The following LDLRAP1 variants were observed in gnomAD, a reference collection of about 807,000 sequenced individuals.
The protein encoded by LDLRAP1 is low density lipoprotein receptor adapter protein 1.
LDLRAP1 carries 30 observed loss-of-function variants against 37.8 expected under a neutral mutation model. That is an observed-to-expected ratio of 0.79 (90% CI 0.59 to 1.08). The LOEUF is 1.08. LDLRAP1 is among the 50% of genes least tolerant of loss of function. The pLI, the probability that LDLRAP1 is intolerant of heterozygous loss-of-function variation, is 0.00. For missense variants in LDLRAP1, 375 were observed against 401.6 expected (o/e 0.93, Z 0.57); for synonymous variants, 156 against 169.8 (o/e 0.92, Z 0.63).
intron 1 of LDLRAP1, among the ~76,000 whole-genome samples, chr1:25,545,412 GT>G (rs1297796990): frequency 6.6e-6 from 1 of 152,150 alleles, no homozygotes; most frequent in Admixed American, 6.5e-5. Flanking sequence ...CTGATCCTCG[GT>G]TTCCTCATCT....
chr1:25,575,857 G>A, the LDLRAP1 span, among the ~76,000 whole-genome samples: 2 of 152,220 alleles, frequency 1.3e-5, no homozygotes, highest in African/African-American at 2.4e-5. Flanking sequence ...GGCCCAGAGA[G>A]ATGGCATGAC....
intron 1 of LDLRAP1, among the ~76,000 whole-genome samples, chr1:25,546,295 G>GCTCCTC (rs2043931911): frequency 6.6e-6 from 1 of 152,188 alleles, no homozygotes. Flanking sequence ...GTTGTGACCT[G>GCTCCTC]CTCCTCCTCC....
the LDLRAP1 span, among the ~76,000 whole-genome samples, chr1:25,587,247 G>A: frequency 6.6e-6 from 1 of 152,062 alleles, no homozygotes; most frequent in African/African-American, 2.4e-5. Context: ...AGCCTCCTGG[G>A]CTCAAGCTAT....
Position 25,544,385 on chromosome 1 carries a change from C to G in LDLRAP1, c.88+599C>G, listed in dbSNP as rs186037782. Among the ~76,000 whole-genome samples the G allele has an allele frequency of 1.9e-4, 29 of 152,344 alleles. No homozygotes were observed. Among genetic ancestry groups the G allele is most frequent in the South Asian group, 1.7e-3 (8 of 4,830 alleles). On this transcript the variant is annotated intron_variant, in intron 1 of 8. Transcript: ENST00000374338. The surrounding 1 kb of genome is among the most constrained non-coding windows in gnomAD (Gnocchi z 4.8). ...GAACGAGGCCCCGCCTGGGGTGCCT[C>G]GGGAGAGCCCCACATCAGGCGATCT...
the LDLRAP1 span, among the ~76,000 whole-genome samples, chr1:25,579,281 A>G: frequency 6.6e-6 from 1 of 152,218 alleles, no homozygotes; most frequent in Non-Finnish European, 1.5e-5. Context: ...ACCTGCACAC[A>G]GATCTGCACC....
At position 25,567,330 on chromosome 1, in the gene LDLRAP1, TG is replaced by T; in HGVS notation, c.*341del. On this transcript the variant is annotated 3_prime_UTR_variant, in exon 9 of 9. Transcript: ENST00000374338. ...CCTGGAGCAAGCTCTGCCCTGGCTGTGGGTATCAGGACTGTGACCAAAGCAT... is the reference window on the plus strand; with the variant it reads ...CCTGGAGCAAGCTCTGCCCTGGCTGTGGTATCAGGACTGTGACCAAAGCAT... The T allele has an allele frequency of 2.5e-6, 1 of 402,264 alleles. No homozygotes were observed. Among genetic ancestry groups the T allele is most frequent in the Non-Finnish European group, 4.7e-6 (1 of 210,686 alleles). 24.9% of individuals were successfully genotyped at this position (402,264 alleles called of 1,614,324 possible).
chr1:25,565,315 A>G (rs533119001), intron 8 of LDLRAP1, 108 bp downstream of exon 8: 102 of 1,249,440 alleles, frequency 8.2e-5, no homozygotes, highest in Non-Finnish European at 1.2e-4. Flanking sequence ...AGCCACTCAG[A>G]CCCCCTCCAG....
At position 25,566,987 on chromosome 1, in the gene LDLRAP1, T is replaced by C. The variant is rs1196439077; in HGVS notation, c.922T>C (p.Phe308Leu). Residue 308 changes from phenylalanine (F) to leucine (L), a missense_variant, in exon 9 of 9, where the codon TTC becomes CTC. By Grantham distance (22) the Phe-to-Leu change is conservative. Coordinates refer to ENST00000374338, the MANE Select transcript of LDLRAP1 (RefSeq NM_015627.3). ...SGTEQDDLFSF is the reference protein window; with the variant it reads ...SGTEQDDLFSL Reference sequence around the variant, plus strand: ...CACAGAGCAGGATGACCTCTTCAGCTTCTGAGGGCCCGGGGCCAGCCGGAC... The same window carrying C: ...CACAGAGCAGGATGACCTCTTCAGCCTCTGAGGGCCCGGGGCCAGCCGGAC... The C allele has an allele frequency of 6.2e-7, 1 of 1,613,206 alleles. No homozygotes were observed. The highest frequency in any genetic ancestry group is 2.2e-5 in the East Asian group (1 of 44,892).
At chr1:25,556,965 G>T (rs1197945392) in intron 3 of LDLRAP1, among the ~76,000 whole-genome samples, 188 bp from the exon 4 acceptor site, 1 of 152,166 alleles carries the variant, frequency 6.6e-6, no homozygotes, top group Non-Finnish European at 1.5e-5. Context: ...TTCCTGCCTG[G>T]CCTGGGCCCC....
chr1:25,553,201 T>A (rs921885405), intron 1 of LDLRAP1, among the ~76,000 whole-genome samples: 2 of 152,206 alleles, frequency 1.3e-5, no homozygotes, highest in African/African-American at 2.4e-5. Context: ...TATGTGGCCT[T>A]CATCTCATGA....
the LDLRAP1 span, among the ~76,000 whole-genome samples, chr1:25,585,790 G>C: frequency 6.6e-6 from 1 of 152,168 alleles, no homozygotes; most frequent in African/African-American, 2.4e-5. Flanking sequence ...TGTATGAGGG[G>C]CTGAGGTGGG....
intron 1 of LDLRAP1, among the ~76,000 whole-genome samples, 190 bp downstream of exon 1, chr1:25,543,976 G>T (rs1423453409): frequency 6.6e-6 from 1 of 152,078 alleles, no homozygotes; most frequent in African/African-American, 2.4e-5. Flanking sequence ...CTACTCGCCG[G>T]CCGCTCGATG....
intron 1 of LDLRAP1, among the ~76,000 whole-genome samples, chr1:25,551,454 G>A (rs901823630): frequency 1.3e-5 from 2 of 152,242 alleles, no homozygotes; most frequent in African/African-American, 2.4e-5. Flanking sequence ...AAATGGGAAT[G>A]AGAGAATGCC....
chr1:25,576,527 AAAAAAAC>A, the LDLRAP1 span, among the ~76,000 whole-genome samples: 2 of 152,166 alleles, frequency 1.3e-5, no homozygotes, highest in African/African-American at 2.4e-5. Flanking sequence ...ACTCCATCTC[AAAAAAAC>A]AAAAAACAAA....
At chr1:25,574,105 G>A in the LDLRAP1 span, among the ~76,000 whole-genome samples, 1 of 152,234 alleles carries the variant, frequency 6.6e-6, no homozygotes, top group Admixed American at 6.5e-5. Context: ...AGGTAGGGAG[G>A]CCCCAGAGAA....
chr1:25,589,612 G>A, the LDLRAP1 span, among the ~76,000 whole-genome samples: 1 of 152,152 alleles, frequency 6.6e-6, no homozygotes, highest in Admixed American at 6.5e-5. Context: ...GCTGGAGGAG[G>A]GGTAAATTCT....
chr1:25,582,390 T>C, the LDLRAP1 span, among the ~76,000 whole-genome samples: 4 of 151,844 alleles, frequency 2.6e-5, no homozygotes, highest in Non-Finnish European at 4.4e-5. Context: ...ATCGAGACCA[T>C]CCTGGCGAAC....
At position 25,554,049 on chromosome 1, in the gene LDLRAP1, G is replaced by A; in HGVS notation, c.216G>A (p.Lys72=). ...KGEELSAAAI[K]RIVATAKASG... Reference sequence around the variant, plus strand: ...AGGAGCTGTCGGCCGCCGCCATCAAGAGGATCGTGGCTACAGTGAGCACCC... The same window carrying A: ...AGGAGCTGTCGGCCGCCGCCATCAAAAGGATCGTGGCTACAGTGAGCACCC... The change falls in exon 2 of 9, where the codon AAG becomes AAA. Residue 72 remains lysine, a synonymous_variant. Coordinates refer to ENST00000374338, the MANE Select transcript of LDLRAP1 (RefSeq NM_015627.3). The surrounding 1 kb of genome is among the most constrained non-coding windows in gnomAD (Gnocchi z 5.4). 6.2e-7 allele frequency: 1 copy of A among 1,614,032 alleles called. No individual in the cohort carries two copies. Among genetic ancestry groups the A allele is most frequent in the Non-Finnish European group, 8.5e-7 (1 of 1,180,032 alleles).
the LDLRAP1 span, among the ~76,000 whole-genome samples, chr1:25,588,731 T>C: frequency 6.6e-6 from 1 of 152,162 alleles, no homozygotes; most frequent in African/African-American, 2.4e-5. Flanking sequence ...TCTCTATACT[T>C]TGTCTCTGTG....
Sources: gnomAD v4.1 joint callset for allele counts (sites outside exome capture counted in the v4.1 genomes callset) on GRCh38, gnomAD v4.1.1 for gene constraint, Gnocchi (gnomAD v3.1) non-coding constraint, MANE v1.5 for transcripts, NCBI Gene and HGNC (gene_info 2026-07-23, HGNC 2026-07-21) for gene names.